CYP2J2: variants seen among roughly 807,000 people sequenced by gnomAD.
CYP2J2 encodes the protein cytochrome P450 family 2 subfamily J member 2, also known as cytochrome P450 2J2.
Under a neutral mutation model 48.8 loss-of-function variants are expected in CYP2J2, and 41 were observed. The observed-to-expected ratio is 0.84, with a 90% CI of 0.66 to 1.09. The LOEUF is 1.09. Ranked by LOEUF, CYP2J2 falls within the 50% of genes least tolerant of loss-of-function variation. The probability of loss-of-function intolerance (pLI) is 0.00; values close to 1 mark genes in which losing one functional copy is unlikely to be tolerated. For synonymous variants in CYP2J2, 221 were observed against 227.1 expected (o/e 0.97, Z 0.24); for missense variants, 644 against 617.3 (o/e 1.04, Z -0.46).
chr1:59,920,583 G>A (rs949102053), intron 1 of CYP2J2, among the ~76,000 whole-genome samples: 2 of 152,190 alleles, frequency 1.3e-5, no homozygotes. Flanking sequence ...AGGGAGATGG[G>A]AGACAAGGCT....
Position 59,893,725 on chromosome 1 carries a change from G to T in CYP2J2, c.1435C>A (p.Leu479Met). 3 of 1,613,320 alleles carry T rather than the reference G, an allele frequency of 1.9e-6. No individual in the cohort carries two copies. In the South Asian group the frequency reaches 3.3e-5, roughly 18 times the overall value. Residue 479 changes from leucine (L) to methionine (M), a missense_variant, in exon 9 of 9, where the codon CTG (leucine) becomes ATG (methionine). By Grantham distance (15) the Leu-to-Met change is conservative. Coordinates refer to ENST00000371204, the MANE Select transcript of CYP2J2 (RefSeq NM_000775.4). Reference protein sequence around the residue: ...FTFRPPNNEKLSLKFRMGITI... With the variant: ...FTFRPPNNEKMSLKFRMGITI... ...ATACCCATTCTAAACTTCAGGCTCA[G>T]CTTCTCATTGTTTGGGGGCCTGAAG...
chr1:59,959,606 T>C, the CYP2J2 span, among the ~76,000 whole-genome samples: 1 of 151,264 alleles, frequency 6.6e-6, no homozygotes, highest in Non-Finnish European at 1.5e-5. Context: ...ATATGTGCTA[T>C]ATATGTATAT....
chr1:59,919,433 ATGTGCACG>A (rs1014300550), intron 1 of CYP2J2, among the ~76,000 whole-genome samples: 6 of 152,258 alleles, frequency 3.9e-5, no homozygotes, highest in African/African-American at 9.6e-5. Flanking sequence ...GTGTGTGCAC[ATGTGCACG>A]TGTGCACGCA....
rs760728675 is a variant in CYP2J2 at position 59,909,780 on chromosome 1, T to C, written c.861+4A>G. 138 of 1,570,926 alleles carry C rather than the reference T, an allele frequency of 8.8e-5. No individual in the cohort carries two copies. Among genetic ancestry groups the C allele is most frequent in the Non-Finnish European group, 1.1e-4 (132 of 1,164,786 alleles). On this transcript the variant is annotated splice_donor_region_variant and intron_variant, in intron 5 of 8. Transcript: ENST00000371204. ...AAAATACAAAATGACTTTGGTTTTCTCACCTTTGACATTTCTTTAAGGTAA... is the reference window on the plus strand; with the variant it reads ...AAAATACAAAATGACTTTGGTTTTCCCACCTTTGACATTTCTTTAAGGTAA...
Position 59,926,473 on chromosome 1 carries a change from C to T in CYP2J2, c.210+64G>A, listed in dbSNP as rs992013140. On this transcript the variant is annotated intron_variant, in intron 1 of 8. Transcript: ENST00000371204. The stretch of plus-strand genomic sequence containing the variant: ...CCCCACCCCACCCACGTTGCCGGAA[C>T]GTCCCTTGTGCTGCAGAACAGAGTT... 2.7e-5 allele frequency: 39 copies of T among 1,429,690 alleles called. No individual in the cohort carries two copies. The East Asian group carries it at 4.6e-4, about 17-fold the overall frequency. The allele number at this position is 1,429,690 out of a possible 1,614,324, so 88.6% of individuals were successfully genotyped here.
chr1:59,940,975 T>C, the CYP2J2 span, among the ~76,000 whole-genome samples: 40 of 152,292 alleles, frequency 2.6e-4, no homozygotes, highest in African/African-American at 9.1e-4. Flanking sequence ...ACCAGAGTCT[T>C]GGAATGGTGT....
intron 8 of CYP2J2, among the ~76,000 whole-genome samples, chr1:59,900,714 C>T (rs11572305): frequency 0.071 from 10,843 of 152,092 alleles, 384 homozygotes; most frequent in Middle Eastern, 0.1. Context: ...ACCAGTTTTC[C>T]AGAGGACAGA....
At chr1:59,900,798 G>C (rs1357251461) in intron 8 of CYP2J2, among the ~76,000 whole-genome samples, 167 bp downstream of exon 8, 1 of 152,158 alleles carries the variant, frequency 6.6e-6, no homozygotes, top group Non-Finnish European at 1.5e-5. Context: ...CTGAAGCAAT[G>C]CCCAGCCTTG....
intron 8 of CYP2J2, among the ~76,000 whole-genome samples, chr1:59,894,782 A>G (rs1644254554): frequency 6.6e-6 from 1 of 152,216 alleles, no homozygotes; most frequent in Admixed American, 6.5e-5. Flanking sequence ...TAACTGTACA[A>G]TTGCTTATTA....
At chr1:59,934,991 T>TGG in the CYP2J2 span, among the ~76,000 whole-genome samples, 1 of 36,778 alleles carries the variant, frequency 2.7e-5, no homozygotes, top group African/African-American at 1.4e-4. Flanking sequence ...GAAAATGGGA[T>TGG]ATATATATAT....
intron 8 of CYP2J2, 40 bp from the exon 9 acceptor site, chr1:59,893,869 G>A (rs545360068): frequency 6.4e-7 from 1 of 1,564,342 alleles, no homozygotes; most frequent in African/African-American, 1.4e-5. Flanking sequence ...CTTCTCAGGT[G>A]GCATTTGTGC....
the CYP2J2 span, among the ~76,000 whole-genome samples, chr1:59,946,993 G>A: frequency 6.6e-6 from 1 of 151,930 alleles, no homozygotes; most frequent in African/African-American, 2.4e-5. Context: ...ATTTGAGGAA[G>A]ATGGGAAAAC....
rs141462518 is a variant in CYP2J2 at position 59,898,785 on chromosome 1, A to G, written c.1330+2180T>C. ...TATCTTAAATTAAAAGGAGATACCT[A>G]TCCATTTCCTGCCTAACTATTAATA... On this transcript the variant is annotated intron_variant, in intron 8 of 8. Transcript: ENST00000371204. Among the ~76,000 whole-genome samples, 1,189 of 152,324 alleles carry G rather than the reference A, an allele frequency of 7.8e-3. 17 individuals are homozygous for G. Among genetic ancestry groups the G allele is most frequent in the African/African-American group, 0.027 (1,115 of 41,562 alleles).
In CYP2J2 at chr1:59,901,060, G is replaced by T; in HGVS notation, c.1235C>A (p.Pro412His). ...LTNLTALHRD[P>H]TEWATPDTFN... is the part of the protein sequence containing the mutation. ...TGTGTCAGGGGTGGCCCACTCTGTGGGGTCCCTGTGCAGCGCCGTCAAATT... is the reference window on the plus strand; with the variant it reads ...TGTGTCAGGGGTGGCCCACTCTGTGTGGTCCCTGTGCAGCGCCGTCAAATT... Residue 412 changes from proline to histidine, a missense_variant, in exon 8 of 9, where the codon CCC becomes CAC. Pro to His is a moderately conservative substitution (Grantham distance 77). Transcript: ENST00000371204. 6.2e-7 allele frequency: 1 copy of T among 1,614,128 alleles called. No homozygotes were observed. Among genetic ancestry groups the T allele is most frequent in the Non-Finnish European group, 8.5e-7 (1 of 1,179,996 alleles).
chr1:59,960,419 G>A, the CYP2J2 span, among the ~76,000 whole-genome samples: 4 of 152,208 alleles, frequency 2.6e-5, no homozygotes, highest in East Asian at 1.9e-4. Context: ...ACTTTCAGAT[G>A]TAGATACACA....
At chr1:59,952,718 G>A in the CYP2J2 span, among the ~76,000 whole-genome samples, 1,197 of 152,190 alleles carry the variant, frequency 7.9e-3, 16 homozygotes, top group African/African-American at 0.027. Context: ...AATATAAACT[G>A]GGAGTCATCA....
chr1:59,962,990 C>T, the CYP2J2 span, among the ~76,000 whole-genome samples: 2 of 152,034 alleles, frequency 1.3e-5, no homozygotes, highest in East Asian at 3.9e-4. Context: ...TATTTTAATG[C>T]TTATGTATTA....
chr1:59,910,439 T>G (rs1055338896), intron 4 of CYP2J2, among the ~76,000 whole-genome samples: 6 of 151,926 alleles, frequency 3.9e-5, no homozygotes, highest in African/African-American at 1.2e-4. Context: ...AAAATGGCCA[T>G]GTGTTGATAA....
chr1:59,909,408 T>A (rs935477177), intron 5 of CYP2J2, among the ~76,000 whole-genome samples: 4 of 151,944 alleles, frequency 2.6e-5, no homozygotes, highest in Non-Finnish European at 5.9e-5. Context: ...TAGAGGTAAA[T>A]AAGAGGGTCA....
Sources: gnomAD v4.1 joint callset for allele counts (sites outside exome capture counted in the v4.1 genomes callset) on GRCh38, gnomAD v4.1.1 for gene constraint, MANE v1.5 for transcripts, NCBI Gene and HGNC (gene_info 2026-07-23, HGNC 2026-07-21) for gene names.